Variants in ITIH6 observed in about 807,000 individuals in gnomAD.
ITIH6 encodes inter-alpha-trypsin inhibitor heavy chain H6.
In ITIH6, 60 loss-of-function variants were observed where a neutral mutation model predicts 58.2. That is an observed-to-expected ratio of 1.03 (90% CI 0.84 to 1.28). The LOEUF is 1.28. Among genes scored for constraint, ITIH6 ranks in the 50% most tolerant of loss-of-function variants. ITIH6 has a pLI of 0.00. For synonymous variants in ITIH6, 493 were observed against 417.4 expected (o/e 1.18, Z -2.21); for missense variants, 1,290 against 1,021.1 (o/e 1.26, Z -3.59).
chrX:54,781,384 GA>G (rs1205868965), intron 5 of ITIH6, among the ~76,000 whole-genome samples: 5 of 110,731 alleles, frequency 4.5e-5, no homozygotes. Context: ...AAATTTACAA[GA>G]AAAAAAACAA....
At chrX:54,780,260 G>C (rs773078582) in intron 5 of ITIH6, among the ~76,000 whole-genome samples, 6 of 111,711 alleles carry the variant, frequency 5.4e-5, no homozygotes, top group African/African-American at 2.0e-4. Flanking sequence ...AAAGACAGAC[G>C]ATATATCAGG....
chrX:54,754,590 G>A (rs1928448849), intron 9 of ITIH6, among the ~76,000 whole-genome samples: 1 of 111,678 alleles, frequency 9.0e-6, no homozygotes, highest in African/African-American at 3.3e-5. Context: ...CACATGGCAA[G>A]GAATGCAGGA....
rs770101443 is a variant in ITIH6 at position 54,791,975 on chromosome X, A to G, written c.319T>C (p.Tyr107His). 8.3e-7 allele frequency: 1 copy of G among 1,208,131 alleles called. No homozygotes were observed. Among genetic ancestry groups the G allele is most frequent in the East Asian group, 3.0e-5 (1 of 33,842 alleles). Residue 107 changes from tyrosine (Y) to histidine (H), a missense_variant, in exon 3 of 13, where the codon TAT becomes CAT. Physicochemically the swap from Tyr to His is moderately conservative, Grantham distance 83. Coordinates refer to ENST00000218436, the MANE Select transcript of ITIH6 (RefSeq NM_198510.3). The part of the protein sequence containing the change: ...VKEKHQAKKI[Y>H]EEAHQQGKTA... ...TTTCCCTGCTGATGGGCTTCTTCATAGATTTTCTTTGCCTGGTGCTTCTCT... is the reference window on the plus strand; with the variant it reads ...TTTCCCTGCTGATGGGCTTCTTCATGGATTTTCTTTGCCTGGTGCTTCTCT...
At position 54,758,729 on chromosome X, in the gene ITIH6, C is replaced by A; in HGVS notation, c.1345G>T (p.Ala449Ser). Residue 449 changes from alanine to serine, a missense_variant, in exon 8 of 13, where the codon GCC (alanine) becomes TCC (serine). Coordinates refer to ENST00000218436, the MANE Select transcript of ITIH6 (RefSeq NM_198510.3). Reference protein sequence around the residue: ...RRLSLENRGIARRIYEDTDAA... With the variant: ...RRLSLENRGISRRIYEDTDAA... Reference sequence around the variant, plus strand: ...TCAGTGTCCTCATATATGCGCCGGGCTATTCCCCGGTTTTCCAGGGACAGG... The same window carrying A: ...TCAGTGTCCTCATATATGCGCCGGGATATTCCCCGGTTTTCCAGGGACAGG... 1.7e-6 allele frequency: 2 copies of A among 1,211,284 alleles called. No individual in the cohort carries two copies. Among genetic ancestry groups the A allele is most frequent in the Non-Finnish European group, 2.2e-6 (2 of 895,233 alleles).
intron 5 of ITIH6, among the ~76,000 whole-genome samples, chrX:54,785,630 G>T (rs1929228835): frequency 9.0e-6 from 1 of 111,665 alleles, no homozygotes; most frequent in Non-Finnish European, 1.9e-5. Context: ...TTCAAAAGTC[G>T]TTTCCCCTGC....
At chrX:54,792,997 A>G (rs1301093314) in intron 2 of ITIH6, among the ~76,000 whole-genome samples, 1 of 108,916 alleles carries the variant, frequency 9.2e-6, no homozygotes, top group African/African-American at 3.3e-5. Flanking sequence ...TCTGTCCTCT[A>G]TTCTTTCTAC....
In ITIH6 at chrX:54,757,501, G is replaced by A. The variant is rs768812553; in HGVS notation, c.2573C>T (p.Pro858Leu). The stretch of plus-strand genomic sequence containing the variant: ...GGAAATTTGGTGTGGTGGGGCACTC[G>A]GTTTAAGAGATAATAAGATTTTAGG... ...KTPKILLSLKPSAPPHQISTS... is the reference protein window; with the variant it reads ...KTPKILLSLKLSAPPHQISTS... The change falls in exon 8 of 13, where the codon CCG (proline) becomes CTG (leucine). Residue 858 changes from proline to leucine, a missense_variant. Transcript: ENST00000218436. 5.8e-5 allele frequency: 70 copies of A among 1,208,498 alleles called. No individual in the cohort carries two copies. The highest frequency in any genetic ancestry group is 3.0e-4 in the East Asian group (10 of 33,722).
Position 54,788,029 on chromosome X carries a change from T to G in ITIH6, c.786+451A>C, listed in dbSNP as rs145678638. Among the ~76,000 whole-genome samples the G allele has an allele frequency of 7.4e-3, 823 of 110,839 alleles. 8 individuals are homozygous for G. The highest frequency in any genetic ancestry group is 0.026 in the African/African-American group (785 of 30,075). On this transcript the variant is annotated intron_variant, in intron 5 of 12. Coordinates refer to ENST00000218436, the MANE Select transcript of ITIH6 (RefSeq NM_198510.3). ...GCTCTTTCTTCATGAATGTGGAAAC[T>G]CAGAACTGAAGGACTCTCTGTTTAG...
At chrX:54,755,657 CAG>C (rs1339007654) in intron 8 of ITIH6, among the ~76,000 whole-genome samples, 2 of 109,556 alleles carry the variant, frequency 1.8e-5, no homozygotes, top group African/African-American at 3.3e-5. Flanking sequence ...GATTATGAAG[CAG>C]AGACAGTAGC....
At chrX:54,784,041 T>C (rs185052454) in intron 5 of ITIH6, among the ~76,000 whole-genome samples, 2 of 111,426 alleles carry the variant, frequency 1.8e-5, no homozygotes, top group Admixed American at 9.5e-5. Context: ...CACTAATCTA[T>C]AGTGAAATGA....
chrX:54,768,038 A>G lies in ITIH6; in HGVS notation c.903+6043T>C, dbSNP rs1274703330. Among the ~76,000 whole-genome samples the G allele has an allele frequency of 3.1e-3, 318 of 101,049 alleles. 8 individuals are homozygous for G. The highest frequency in any genetic ancestry group is 0.013 in the African/African-American group (299 of 23,686). The allele number at this position is 101,049 out of a possible 115,157, so 87.7% of individuals were successfully genotyped here. A position where few individuals can be genotyped will look rare whatever the true frequency, so the allele number is the denominator to read the frequency against. ...TGTGTGGGAGTCTAAGTCTCTTTGTAGGTCACTCAGGACATGCTTTATGAA... is the reference window on the plus strand; with the variant it reads ...TGTGTGGGAGTCTAAGTCTCTTTGTGGGTCACTCAGGACATGCTTTATGAA... On this transcript the variant is annotated intron_variant, in intron 6 of 12. Coordinates refer to ENST00000218436, the MANE Select transcript of ITIH6 (RefSeq NM_198510.3).
At chrX:54,759,065 G>A in intron 7 of ITIH6, 67 bp from the exon 8 acceptor site, 1 of 809,244 alleles carries the variant, frequency 1.2e-6, no homozygotes, top group Non-Finnish European at 1.7e-6. Context: ...AGACACACTG[G>A]GCACCTCATC....
At chrX:54,784,683 C>G (rs1239487886) in intron 5 of ITIH6, among the ~76,000 whole-genome samples, 2 of 111,791 alleles carry the variant, frequency 1.8e-5, no homozygotes, top group African/African-American at 6.5e-5. Context: ...ATCCCAGAGA[C>G]AGGCAATAAG....
chrX:54,791,863 G>GCAT, intron 3 of ITIH6, 63 bp downstream of exon 3: 1 of 624,269 alleles, frequency 1.6e-6, no homozygotes, highest in Admixed American at 2.3e-5. Flanking sequence ...GAGAGAACGT[G>GCAT]CATCTCCCCT....
chrX:54,770,088 G>GT (rs1234914890), intron 6 of ITIH6, among the ~76,000 whole-genome samples: 3 of 112,466 alleles, frequency 2.7e-5, no homozygotes, highest in Admixed American at 9.3e-5. Flanking sequence ...ATGGTGCGCC[G>GT]TTTTTTAAGC....
intron 6 of ITIH6, among the ~76,000 whole-genome samples, chrX:54,766,373 C>T (rs1378582642): frequency 1.1e-4 from 9 of 79,726 alleles, no homozygotes; most frequent in African/African-American, 4.4e-4. Flanking sequence ...AATTGAATAC[C>T]CTTTATTTCC....
intron 6 of ITIH6, among the ~76,000 whole-genome samples, chrX:54,768,579 C>T (rs1752049973): frequency 9.4e-6 from 1 of 106,930 alleles, no homozygotes; most frequent in South Asian, 4.2e-4. Context: ...TCTTTTAGGG[C>T]AGGCCTGGTG....
chrX:54,751,403 C>A, intron 11 of ITIH6, 23 bp from the exon 12 acceptor site: 2 of 1,201,687 alleles, frequency 1.7e-6, no homozygotes, highest in Non-Finnish European at 2.2e-6. Flanking sequence ...GAGTGTGGGC[C>A]TGGAGCGGGG....
At position 54,759,332 on chromosome X, in the gene ITIH6, A is replaced by T. The variant is rs777150568; in HGVS notation, c.1076-334T>A. ...CACCCCCCCCTCCAACCTTCTTGCT[A>T]CAGGGGAAGAAAGGACAGAGTTGAC... is the stretch of plus-strand genomic sequence containing the variant. On this transcript the variant is annotated intron_variant, in intron 7 of 12. Transcript: ENST00000218436. Among the ~76,000 whole-genome samples, 148 of 111,649 alleles carry T rather than the reference A, an allele frequency of 1.3e-3. 2 individuals carry two copies. The highest frequency in any genetic ancestry group is 4.3e-3 in the African/African-American group (132 of 30,720).
Sources: allele counts gnomAD v4.1 joint callset (sites outside exome capture counted in the v4.1 genomes callset), GRCh38; gene constraint gnomAD v4.1.1; transcripts MANE v1.5; gene names NCBI Gene and HGNC (gene_info 2026-07-23, HGNC 2026-07-21).